MAGI1: variants seen among roughly 807,000 people sequenced by gnomAD.
The protein encoded by MAGI1 is membrane-associated guanylate kinase, WW and PDZ domain-containing protein 1.
In MAGI1, 58 loss-of-function variants were observed where a neutral mutation model predicts 139.9. The ratio of observed to expected loss-of-function variants is 0.41; its 90% CI spans 0.34 to 0.52. MAGI1 has a LOEUF of 0.52. MAGI1 is among the 20% of genes least tolerant of loss of function. The pLI is 0.12. For missense variants in MAGI1, 1,874 were observed against 1,901.6 expected (o/e 0.99, Z 0.27); for synonymous variants, 812 against 737.9 (o/e 1.10, Z -1.63).
chr3:65,616,862 A>G (rs1261733889), intron 2 of MAGI1, among the ~76,000 whole-genome samples: 1 of 152,194 alleles, frequency 6.6e-6, no homozygotes, highest in African/African-American at 2.4e-5. Context: ...TTGCTGACAA[A>G]TAGGTCTAGT....
chr3:65,408,492 A>G (rs1261490620), intron 12 of MAGI1, among the ~76,000 whole-genome samples: 1 of 152,152 alleles, frequency 6.6e-6, no homozygotes, highest in Non-Finnish European at 1.5e-5. Context: ...ATCGAGGCAA[A>G]GTCACAATGG....
chr3:65,699,553 A>C (rs1352795717), intron 1 of MAGI1, among the ~76,000 whole-genome samples: 1 of 146,304 alleles, frequency 6.8e-6, no homozygotes, highest in Non-Finnish European at 1.5e-5. Flanking sequence ...AGCCATAAAA[A>C]ATGATGAGTT....
At chr3:65,935,625 G>C (rs917133201) in intron 1 of MAGI1, among the ~76,000 whole-genome samples, 1 of 148,808 alleles carries the variant, frequency 6.7e-6, no homozygotes, top group Non-Finnish European at 1.5e-5. Flanking sequence ...CTGTCTCAAA[G>C]AAAAAAGAGG....
At chr3:65,588,402 C>T (rs1285940830) in intron 2 of MAGI1, among the ~76,000 whole-genome samples, 2 of 152,118 alleles carry the variant, frequency 1.3e-5, no homozygotes, top group Non-Finnish European at 1.5e-5. Flanking sequence ...AAAAATGCTA[C>T]CTTCAGAATC....
At chr3:65,826,500 A>C (rs1023968005) in intron 1 of MAGI1, among the ~76,000 whole-genome samples, 7 of 152,334 alleles carry the variant, frequency 4.6e-5, no homozygotes, top group Admixed American at 1.3e-4. Flanking sequence ...AAGTATGGCT[A>C]CTCAGTCTGA....
At chr3:65,865,080 GTAAC>G (rs1328850218) in intron 1 of MAGI1, among the ~76,000 whole-genome samples, 2 of 152,094 alleles carry the variant, frequency 1.3e-5, no homozygotes, top group Non-Finnish European at 2.9e-5. Flanking sequence ...ATGTACATCT[GTAAC>G]TATGCCATAC....
rs573401434 is a variant in MAGI1 at position 65,939,723 on chromosome 3, A to G, written c.313+98273T>C. On this transcript the variant is annotated intron_variant, in intron 1 of 22. Transcript: ENST00000402939. Reference sequence around the variant, plus strand: ...AAACCCAGTAAGAAAGGAAAGGGAAATCGATTTGGGGAATAAAAGGACATT... The same window carrying G: ...AAACCCAGTAAGAAAGGAAAGGGAAGTCGATTTGGGGAATAAAAGGACATT... Among the ~76,000 whole-genome samples the G allele has an allele frequency of 1.4e-4, 21 of 152,302 alleles. 1 individual carries two copies. In the South Asian group the frequency reaches 4.4e-3, roughly 32 times the overall value.
chr3:65,820,089 G>C (rs967508360), intron 1 of MAGI1, among the ~76,000 whole-genome samples: 3 of 151,800 alleles, frequency 2.0e-5, no homozygotes, highest in Non-Finnish European at 4.4e-5. Flanking sequence ...CCTTTGAACA[G>C]ACTTACTAGA....
At chr3:65,735,165 T>C (rs1187456708) in intron 1 of MAGI1, among the ~76,000 whole-genome samples, 4 of 152,194 alleles carry the variant, frequency 2.6e-5, no homozygotes, top group African/African-American at 4.8e-5. Flanking sequence ...AATCATGCTG[T>C]ATTCCTAGCA....
chr3:65,858,743 G>A (rs2108431967), intron 1 of MAGI1, among the ~76,000 whole-genome samples: 1 of 152,324 alleles, frequency 6.6e-6, no homozygotes, highest in South Asian at 2.1e-4. Context: ...CATCTGTGAT[G>A]ACATGGGGTG....
chr3:66,029,732 G>A (rs2068492939), intron 1 of MAGI1, among the ~76,000 whole-genome samples: 1 of 152,156 alleles, frequency 6.6e-6, no homozygotes. Context: ...TAAGCCCTGT[G>A]CATTCAAATC....
rs1209112666 is a variant in MAGI1, at chr3:65,974,373, G to T, written c.313+63623C>A. Among the ~76,000 whole-genome samples, 4 of 122,626 alleles carry T rather than the reference G, an allele frequency of 3.3e-5. 1 individual carries two copies. The East Asian group carries it at 8.9e-4, about 27-fold the overall frequency. The allele number at this position is 122,626 out of a possible 152,430, so 80.4% of individuals were successfully genotyped here. ...GGAGTGGATGGATGGATGGGTGGGC[G>T]GGTGGGCGGGTGGCTGGGTGGATGG... On this transcript the variant is annotated intron_variant, in intron 1 of 22. Coordinates refer to ENST00000402939, the MANE Select transcript of MAGI1 (RefSeq NM_001033057.2).
intron 13 of MAGI1, 109 bp from the exon 14 acceptor site, chr3:65,391,467 T>G: frequency 1.2e-6 from 1 of 805,406 alleles, no homozygotes; most frequent in East Asian, 2.7e-5. Context: ...TACACATACA[T>G]ATCAACAGTA....
At chr3:66,029,445 G>A (rs1442513674) in intron 1 of MAGI1, among the ~76,000 whole-genome samples, 1 of 152,136 alleles carries the variant, frequency 6.6e-6, no homozygotes, top group African/African-American at 2.4e-5. Flanking sequence ...AGTAATGGTG[G>A]GGTTGATACC....
At chr3:65,564,368 G>C (rs2080513410) in intron 2 of MAGI1, among the ~76,000 whole-genome samples, 1 of 151,704 alleles carries the variant, frequency 6.6e-6, no homozygotes, top group Non-Finnish European at 1.5e-5. Context: ...GCCATCTTCT[G>C]CCCCTGTTTT....
intron 1 of MAGI1, among the ~76,000 whole-genome samples, chr3:65,684,040 G>A (rs1307611418): frequency 6.6e-6 from 1 of 150,772 alleles, no homozygotes; most frequent in Non-Finnish European, 1.5e-5. Flanking sequence ...CAGGATGGAT[G>A]GCATACAGCT....
chr3:65,428,522 G>C (rs138764250), intron 12 of MAGI1, among the ~76,000 whole-genome samples: 1,591 of 152,148 alleles, frequency 0.01, 27 homozygotes, highest in Admixed American at 0.047. Context: ...GCATGTGGAG[G>C]GAAGTGTTTA....
intron 12 of MAGI1, among the ~76,000 whole-genome samples, chr3:65,413,456 T>A (rs1230301245): frequency 6.6e-6 from 1 of 152,188 alleles, no homozygotes; most frequent in Non-Finnish European, 1.5e-5. Context: ...AGTCATTTAC[T>A]GAGGGGTCAG....
At chr3:65,618,864 C>A (rs1180083664) in intron 2 of MAGI1, among the ~76,000 whole-genome samples, 2 of 152,158 alleles carry the variant, frequency 1.3e-5, no homozygotes, top group South Asian at 4.1e-4. Context: ...CCAGGCCACA[C>A]AGCCAGCAGA....
Sources: gnomAD v4.1 joint callset for allele counts (sites outside exome capture counted in the v4.1 genomes callset) on GRCh38, gnomAD v4.1.1 for gene constraint, MANE v1.5 for transcripts, NCBI Gene and HGNC (gene_info 2026-07-23, HGNC 2026-07-21) for gene names.